The following TMEM204 variants were observed in gnomAD, a reference collection of about 807,000 sequenced individuals.
The protein encoded by TMEM204 is transmembrane protein 204.
A neutral mutation model predicts 19.4 loss-of-function variants in TMEM204; 15 were observed. The observed-to-expected ratio is 0.77, with a 90% CI of 0.52 to 1.19. The LOEUF is 1.19. TMEM204 is among the 50% of genes most tolerant of loss of function. The probability of loss-of-function intolerance (pLI) is 0.00; values close to 1 mark genes in which losing one functional copy is unlikely to be tolerated. For synonymous variants in TMEM204, 161 were observed against 146.0 expected, an observed-to-expected ratio of 1.10 and a Z score of -0.74; for missense variants, 287 against 321.2, an observed-to-expected ratio of 0.89 and a Z score of 0.81.
chr16:1,555,256 G>A lies in TMEM204; in HGVS notation c.*230G>A, dbSNP rs1392701973. 1.1e-5 allele frequency: 6 copies of A among 555,096 alleles called. No homozygotes were observed. Among genetic ancestry groups the A allele is most frequent in the East Asian group, 3.2e-5 (1 of 31,330 alleles). The allele number at this position is 555,096 out of a possible 1,614,324, so 34.4% of individuals were successfully genotyped here. Reference sequence around the variant, plus strand: ...TCTGCCTCCAGCTTTCCTGGTTAGCGCAACGCGGCTCCACGACCACACGCA... The same window carrying A: ...TCTGCCTCCAGCTTTCCTGGTTAGCACAACGCGGCTCCACGACCACACGCA... On this transcript the variant is annotated 3_prime_UTR_variant, in exon 3 of 3. Coordinates refer to ENST00000566264, the MANE Select transcript of TMEM204 (RefSeq NM_024600.6).
rs373811188 is a variant in TMEM204 at position 1,542,074 on chromosome 16, C to T, written c.434C>T (p.Ala145Val). The T allele has an allele frequency of 6.2e-7, 1 of 1,603,366 alleles. No homozygotes were observed. The highest frequency in any genetic ancestry group is 8.5e-7 in the Non-Finnish European group (1 of 1,175,976). The change falls in exon 2 of 3, where the codon GCG becomes GTG. Residue 145 changes from alanine to valine, a missense_variant and splice_region_variant. Coordinates refer to ENST00000566264, the MANE Select transcript of TMEM204 (RefSeq NM_024600.6). Reference sequence around the variant, plus strand: ...GCCATGGCCGCTGCATTCCAACTGGCGAGTAAGTACCTGGGCGGGTGTGGC... The same window carrying T: ...GCCATGGCCGCTGCATTCCAACTGGTGAGTAAGTACCTGGGCGGGTGTGGC... ...EEAMAAAFQL[A>V]SFVLVIGLVT... is the part of the protein sequence containing the mutation.
At chr16:1,554,043 G>A in intron 2 of TMEM204, 1 of 1,287,226 alleles carries the variant, frequency 7.8e-7, no homozygotes, top group South Asian at 1.2e-5. Flanking sequence ...TTCAGGCTCT[G>A]GAAAGAGAGG....
chr16:1,554,542 T>C (rs987886215), intron 2 of TMEM204, among the ~76,000 whole-genome samples: 1 of 152,116 alleles, frequency 6.6e-6, no homozygotes, highest in African/African-American at 2.4e-5. Context: ...CCTGAAGTCC[T>C]AAGAGCCACA....
intron 2 of TMEM204, among the ~76,000 whole-genome samples, chr16:1,544,621 C>T (rs188577039): frequency 6.9e-4 from 105 of 152,176 alleles, no homozygotes; most frequent in Middle Eastern, 6.8e-3. Context: ...TGTGCTACTG[C>T]GCCCAGCTGG....
intron 1 of TMEM204, among the ~76,000 whole-genome samples, chr16:1,535,448 C>T (rs149149123): frequency 7.3e-4 from 111 of 152,300 alleles, no homozygotes; most frequent in African/African-American, 2.5e-3. Context: ...GACTCGCAGA[C>T]ACCCCAAGTC....
At chr16:1,538,934 C>T (rs774861571) in intron 1 of TMEM204, among the ~76,000 whole-genome samples, 32 of 152,172 alleles carry the variant, frequency 2.1e-4, no homozygotes, top group Non-Finnish European at 3.7e-4. Context: ...CTGCACAGGC[C>T]CTAGGGCAGG....
chr16:1,537,276 C>T (rs2076439), intron 1 of TMEM204, among the ~76,000 whole-genome samples: 66,359 of 152,172 alleles, frequency 0.44, 15,978 homozygotes, highest in African/African-American at 0.65. Context: ...CACCAGGCCA[C>T]CCTCGGGGTT....
chr16:1,534,447 G>T lies in TMEM204; in HGVS notation c.172G>T (p.Gly58Trp), dbSNP rs754246477. The part of the protein sequence containing the change: ...SCWLVDRTRG[G>W]PSPGARAGQV... ...CTGGCTGGTGGACAGGACCCGGGGA[G>T]GGCCGAGCCCTGGGGCCAGAGCCGG... The change falls in exon 1 of 3, where the codon GGG (glycine) becomes TGG (tryptophan). Residue 58 changes from glycine (G) to tryptophan (W), a missense_variant. Physicochemically the swap from Gly to Trp is radical, Grantham distance 184. Coordinates refer to ENST00000566264, the MANE Select transcript of TMEM204 (RefSeq NM_024600.6). 4 of 1,611,550 alleles carry T rather than the reference G, an allele frequency of 2.5e-6. No individual in the cohort carries two copies. In the Admixed American group the frequency reaches 6.7e-5, roughly 27 times the overall value.
upstream of TMEM204, among the ~76,000 whole-genome samples, chr16:1,529,031 G>A (rs1395192362): frequency 2.0e-5 from 3 of 152,204 alleles, no homozygotes; most frequent in Non-Finnish European, 4.4e-5. Context: ...CTGAGTCTAG[G>A]GGCTGGACGC....
chr16:1,555,150 C>T lies in TMEM204; in HGVS notation c.*124C>T. 2 of 1,276,224 alleles carry T rather than the reference C, an allele frequency of 1.6e-6. No individual in the cohort carries two copies. The highest frequency in any genetic ancestry group is 2.1e-6 in the Non-Finnish European group (2 of 942,340). 79.1% of individuals were successfully genotyped at this position (1,276,224 alleles called of 1,614,324 possible). A position where few individuals can be genotyped will look rare whatever the true frequency, so the allele number is the denominator to read the frequency against. On this transcript the variant is annotated 3_prime_UTR_variant, in exon 3 of 3. Transcript: ENST00000566264. ...GAGGCACGGGATGAGTCTGGGTGAC[C>T]TCTGCGCCATGCGTGCGAGACACGT...
At chr16:1,550,667 A>G (rs2032559566) in intron 2 of TMEM204, among the ~76,000 whole-genome samples, 1 of 152,138 alleles carries the variant, frequency 6.6e-6, no homozygotes, top group Non-Finnish European at 1.5e-5. Context: ...GCTTTGCTCC[A>G]TGGTTTAGCC....
chr16:1,550,389 G>A (rs1446267532), intron 2 of TMEM204, among the ~76,000 whole-genome samples: 3 of 152,232 alleles, frequency 2.0e-5, no homozygotes, highest in African/African-American at 4.8e-5. Flanking sequence ...TGCTCTAAAC[G>A]ACGCATTTTC....
intron 1 of TMEM204, among the ~76,000 whole-genome samples, chr16:1,539,338 G>A (rs1209996570): frequency 6.8e-6 from 1 of 148,118 alleles, no homozygotes; most frequent in Non-Finnish European, 1.5e-5. Context: ...GCCACATGGT[G>A]CAAATGCCGC....
chr16:1,553,011 C>T lies in TMEM204; in HGVS notation c.437-1771C>T. ...AGGAGCTACCCATGTATAAGAAGCT[C>T]CATGAAGTATTATAAAGAATGAACA... On this transcript the variant is annotated intron_variant, in intron 2 of 2. Coordinates refer to ENST00000566264, the MANE Select transcript of TMEM204 (RefSeq NM_024600.6). This position sits in a 1 kb window ranked among gnomAD's most constrained non-coding sequence, Gnocchi z 4.4. 1 of 985,272 alleles carries T rather than the reference C, an allele frequency of 1.0e-6. No homozygotes were observed. Among genetic ancestry groups the T allele is most frequent in the Non-Finnish European group, 1.2e-6 (1 of 829,892 alleles). 61.0% of individuals were successfully genotyped at this position (985,272 alleles called of 1,614,324 possible).
upstream of TMEM204, among the ~76,000 whole-genome samples, chr16:1,529,580 G>A (rs560158762): frequency 6.6e-6 from 1 of 152,338 alleles, no homozygotes; most frequent in East Asian, 1.9e-4. Flanking sequence ...CACAGGGAGA[G>A]GCCTGAGCAC....
upstream of TMEM204, among the ~76,000 whole-genome samples, chr16:1,530,133 CTTTTTTT>C (rs922819138): frequency 2.9e-4 from 26 of 88,586 alleles, no homozygotes; most frequent in African/African-American, 9.8e-4. Context: ...CGACGGGAAT[CTTTTTTT>C]TTTTTTTTTT....
chr16:1,536,703 G>A lies in TMEM204; in HGVS notation c.280+2148G>A, dbSNP rs756336407. Among the ~76,000 whole-genome samples, 15 of 152,100 alleles carry A rather than the reference G, an allele frequency of 9.9e-5. No individual in the cohort carries two copies. In the South Asian group the frequency reaches 2.7e-3, roughly 27 times the overall value. The stretch of plus-strand genomic sequence containing the variant: ...CCCCAAGGCCCCAACACGGGGACGC[G>A]CCCAGAGTCTCCCTTGGCCGTGCTG... On this transcript the variant is annotated intron_variant, in intron 1 of 2. Coordinates refer to ENST00000566264, the MANE Select transcript of TMEM204 (RefSeq NM_024600.6).
chr16:1,542,789 T>C lies in TMEM204; in HGVS notation c.436+713T>C, dbSNP rs143162338. The stretch of plus-strand genomic sequence containing the variant: ...TGGCTTCCCCAAGCCGCCATGTGAG[T>C]TGGGGAGGAGGCCCGGCCTTGCAGG... On this transcript the variant is annotated intron_variant, in intron 2 of 2. Coordinates refer to ENST00000566264, the MANE Select transcript of TMEM204 (RefSeq NM_024600.6). 1.6e-3 allele frequency among the ~76,000 whole-genome samples: 245 copies of C among 152,126 alleles called. 2 individuals carry two copies. The highest frequency in any genetic ancestry group is 5.5e-3 in the African/African-American group (230 of 41,512).
intron 1 of TMEM204, among the ~76,000 whole-genome samples, chr16:1,538,520 T>C (rs529095647): frequency 6.6e-6 from 1 of 152,220 alleles, no homozygotes; most frequent in African/African-American, 2.4e-5. Context: ...TCCCCCTTCA[T>C]TCTGGTCTTT....
Sources: allele counts gnomAD v4.1 joint callset (sites outside exome capture counted in the v4.1 genomes callset), GRCh38; gene constraint gnomAD v4.1.1; non-coding constraint Gnocchi (gnomAD v3.1); transcripts MANE v1.5; gene names NCBI Gene and HGNC (gene_info 2026-07-23, HGNC 2026-07-21).